The following NRXN1 variants were observed in gnomAD, a reference collection of about 807,000 sequenced individuals.
NRXN1 encodes neurexin-1.
In NRXN1, 39 loss-of-function variants were observed where a neutral mutation model predicts 150.9. The observed-to-expected ratio is 0.26, with a 90% CI of 0.20 to 0.34. The LOEUF is 0.34. Ranked by LOEUF, NRXN1 falls within the 10% of genes least tolerant of loss-of-function variation. NRXN1 has a pLI of 1.00. For synonymous variants in NRXN1, 924 were observed against 757.0 expected (o/e 1.22, Z -3.62); for missense variants, 1,815 against 1,949.9 (o/e 0.93, Z 1.30).
At chr2:50,025,796 T>A (rs961489559) in intron 21 of NRXN1, among the ~76,000 whole-genome samples, 2 of 152,186 alleles carry the variant, frequency 1.3e-5, no homozygotes, top group Non-Finnish European at 2.9e-5. Context: ...AGTGGCTTGA[T>A]AAAGGTCTCT....
intron 18 of NRXN1, among the ~76,000 whole-genome samples, chr2:50,229,464 T>C (rs2064735965): frequency 6.6e-6 from 1 of 152,068 alleles, no homozygotes; most frequent in African/African-American, 2.4e-5. Flanking sequence ...CAATCTATAT[T>C]GTGTTTAGAG....
chr2:50,069,699 A>T (rs2177375), intron 19 of NRXN1, among the ~76,000 whole-genome samples: 137,201 of 151,884 alleles, frequency 0.9, 62,169 homozygotes, highest in African/African-American at 0.97. Flanking sequence ...TCTTCTTTCC[A>T]CTTTGTGCTA....
chr2:50,972,914 C>T (rs1459443617), intron 2 of NRXN1, among the ~76,000 whole-genome samples: 2 of 152,178 alleles, frequency 1.3e-5, no homozygotes, highest in East Asian at 1.9e-4. Context: ...AAATCAACTG[C>T]CATCTGCCTT....
intron 12 of NRXN1, among the ~76,000 whole-genome samples, chr2:50,510,390 G>T (rs1363404237): frequency 3.4e-5 from 5 of 147,078 alleles, no homozygotes; most frequent in Non-Finnish European, 4.5e-5. Context: ...GGAGGCTGAG[G>T]CAGGAGAATT....
intron 5 of NRXN1, among the ~76,000 whole-genome samples, chr2:50,814,076 T>C (rs1370386845): frequency 1.3e-5 from 2 of 152,172 alleles, no homozygotes; most frequent in African/African-American, 4.8e-5. Context: ...CCACAGTAGG[T>C]AAGTATGGCA....
intron 21 of NRXN1, among the ~76,000 whole-genome samples, chr2:50,037,413 C>T (rs943092524): frequency 2.0e-5 from 3 of 152,104 alleles, no homozygotes; most frequent in African/African-American, 7.2e-5. Context: ...TTTAATATCT[C>T]ACTAATATTT....
At chr2:50,591,741 A>T (rs955616562) in intron 8 of NRXN1, among the ~76,000 whole-genome samples, 8 of 152,186 alleles carry the variant, frequency 5.3e-5, no homozygotes, top group African/African-American at 1.9e-4. Flanking sequence ...GGGACAGCAC[A>T]TGGTTCTCTT....
intron 5 of NRXN1, among the ~76,000 whole-genome samples, chr2:50,668,936 G>A (rs933658863): frequency 9.2e-5 from 14 of 151,958 alleles, no homozygotes. Flanking sequence ...AGCATAGGCT[G>A]TTTTTCAGTG....
At chr2:50,569,236 G>A (rs1167416011) in intron 8 of NRXN1, among the ~76,000 whole-genome samples, 1 of 152,104 alleles carries the variant, frequency 6.6e-6, no homozygotes, top group Non-Finnish European at 1.5e-5. Context: ...TATCACAACA[G>A]TGTGACTGTA....
At chr2:50,786,941 A>T (rs1304300674) in intron 5 of NRXN1, among the ~76,000 whole-genome samples, 2 of 152,176 alleles carry the variant, frequency 1.3e-5, no homozygotes, top group African/African-American at 4.8e-5. Flanking sequence ...CTTTTAATTA[A>T]AGGTGACAAA....
Position 50,110,287 on chromosome 2 carries a change from G to C in NRXN1, c.3547-18793C>G, listed in dbSNP as rs190070893. ...GGGCAGATCACGAGGTCAGGAAATC[G>C]AGACCATCCTGTCTAACACGGTGAA... On this transcript the variant is annotated intron_variant, in intron 18 of 22. Coordinates refer to ENST00000401669, the MANE Select transcript of NRXN1 (RefSeq NM_001330078.2). 6.9e-3 allele frequency among the ~76,000 whole-genome samples: 1,042 copies of C among 151,980 alleles called. 9 individuals carry two copies. Among genetic ancestry groups the C allele is most frequent in the Middle Eastern group, 0.054 (16 of 294 alleles).
At chr2:50,373,870 G>A (rs2080289469) in intron 17 of NRXN1, among the ~76,000 whole-genome samples, 1 of 151,962 alleles carries the variant, frequency 6.6e-6, no homozygotes, top group Non-Finnish European at 1.5e-5. Flanking sequence ...ATTTGCTTTT[G>A]AGTTCTTGTA....
chr2:50,551,037 AGG>A (rs2105334093), intron 9 of NRXN1, among the ~76,000 whole-genome samples: 3 of 104,026 alleles, frequency 2.9e-5, no homozygotes, highest in African/African-American at 1.3e-4. Flanking sequence ...GAAGAGGAAG[AGG>A]AAGAGGAAGA....
At chr2:50,371,686 G>T (rs548775462) in intron 17 of NRXN1, among the ~76,000 whole-genome samples, 1 of 151,860 alleles carries the variant, frequency 6.6e-6, no homozygotes, top group East Asian at 1.9e-4. Context: ...TTTCATCTGT[G>T]CATTTTTATG....
At chr2:50,095,764 CTT>C (rs5831084) in intron 18 of NRXN1, among the ~76,000 whole-genome samples, 38,002 of 146,092 alleles carry the variant, frequency 0.26, 5,236 homozygotes, top group Admixed American at 0.39. Flanking sequence ...GAACATCCGA[CTT>C]TTTTTTTTTT....
chr2:50,377,498 C>G (rs1295078598), intron 17 of NRXN1, among the ~76,000 whole-genome samples: 1 of 152,098 alleles, frequency 6.6e-6, no homozygotes, highest in Non-Finnish European at 1.5e-5. Context: ...TTTAATCTAT[C>G]ATTGATGGGC....
chr2:49,985,084 T>C (rs1409647550), intron 21 of NRXN1, among the ~76,000 whole-genome samples: 2 of 152,162 alleles, frequency 1.3e-5, no homozygotes, highest in Non-Finnish European at 2.9e-5. Flanking sequence ...GCTAGTTAGT[T>C]CAACTTCTCT....
intron 3 of NRXN1, among the ~76,000 whole-genome samples, chr2:50,924,729 A>C (rs536013668): frequency 1.5e-3 from 229 of 151,848 alleles, no homozygotes; most frequent in African/African-American, 5.2e-3. Flanking sequence ...TTTCTTTTAA[A>C]GTTTTAATCT....
intron 17 of NRXN1, among the ~76,000 whole-genome samples, chr2:50,267,163 G>A (rs2068995261): frequency 6.6e-6 from 1 of 152,128 alleles, no homozygotes; most frequent in African/African-American, 2.4e-5. Context: ...GATGAATAAA[G>A]CATATAAGAA....
Sources: allele counts gnomAD v4.1 joint callset (sites outside exome capture counted in the v4.1 genomes callset), GRCh38; gene constraint gnomAD v4.1.1; transcripts MANE v1.5; gene names NCBI Gene and HGNC (gene_info 2026-07-23, HGNC 2026-07-21).